ADAMTS3: variants seen among roughly 807,000 people sequenced by gnomAD.
ADAMTS3 encodes A disintegrin and metalloproteinase with thrombospondin motifs 3.
A neutral mutation model predicts 129.0 loss-of-function variants in ADAMTS3; 73 were observed. The observed-to-expected ratio is 0.57, with a 90% confidence interval of 0.47 to 0.69. The LOEUF (loss-of-function observed/expected upper bound fraction) is 0.69, where lower values mean the gene tolerates loss of function less well. Among genes scored for constraint, ADAMTS3 ranks in the 30% least tolerant of loss-of-function variants. The pLI, the probability that ADAMTS3 is intolerant of heterozygous loss-of-function variation, is 0.00. For missense variants in ADAMTS3, 1,457 were observed against 1,514.5 expected, an observed-to-expected ratio of 0.96 and a Z score of 0.63; for synonymous variants, 477 against 510.8, an observed-to-expected ratio of 0.93 and a Z score of 0.89.
At chr4:72,408,776 T>C (rs1158359998) in intron 4 of ADAMTS3, among the ~76,000 whole-genome samples, 2 of 149,512 alleles carry the variant, frequency 1.3e-5, no homozygotes, top group African/African-American at 4.9e-5. Context: ...AAAGGATGAG[T>C]TCATGTCCTT....
chr4:72,487,231 T>C (rs1719613726), intron 3 of ADAMTS3, among the ~76,000 whole-genome samples: 1 of 152,098 alleles, frequency 6.6e-6, no homozygotes, highest in Non-Finnish European at 1.5e-5. Context: ...TAAAATTATA[T>C]TGGCTCAATG....
chr4:72,410,676 T>C (rs545725300), intron 4 of ADAMTS3, among the ~76,000 whole-genome samples: 9 of 152,210 alleles, frequency 5.9e-5, no homozygotes, highest in Admixed American at 3.3e-4. Flanking sequence ...CAGGGGTATA[T>C]TTTTTTACAT....
In ADAMTS3 at chr4:72,525,620, T is replaced by C. The variant is rs115055268; in HGVS notation, c.504+22858A>G. Among the ~76,000 whole-genome samples the C allele has an allele frequency of 2.3e-3, 349 of 152,258 alleles. 2 individuals are homozygous for C. The highest frequency in any genetic ancestry group is 8.2e-3 in the African/African-American group (341 of 41,554). ...AAAACTGTAAAGAACACAAAATGTA[T>C]GGTCTTTGTCTTTTGTTTCTCTCCT... On this transcript the variant is annotated intron_variant, in intron 3 of 21. Transcript: ENST00000286657.
At chr4:72,399,796 G>GTA (rs1207164823) in intron 4 of ADAMTS3, among the ~76,000 whole-genome samples, 5 of 146,304 alleles carry the variant, frequency 3.4e-5, no homozygotes, top group African/African-American at 1.0e-4. Context: ...GCATATGTGT[G>GTA]TATATATATA....
At chr4:72,398,304 C>T (rs1323423476) in intron 4 of ADAMTS3, among the ~76,000 whole-genome samples, 1 of 152,100 alleles carries the variant, frequency 6.6e-6, no homozygotes, top group African/African-American at 2.4e-5. Flanking sequence ...CTTCTGTAAT[C>T]CCAGCACTTT....
chr4:72,283,542 T>C lies in ADAMTS3; in HGVS notation c.3212A>G (p.Asp1071Gly). Residue 1071 changes from aspartate to glycine, a missense_variant, in exon 22 of 22, where the codon GAT becomes GGT. By Grantham distance (94) the Asp-to-Gly change is moderately conservative. Coordinates refer to ENST00000286657, the MANE Select transcript of ADAMTS3 (RefSeq NM_014243.3). ...YLLEAAETHDDVISNPSDLPR... is the reference protein window; with the variant it reads ...YLLEAAETHDGVISNPSDLPR... ...GAGGTCACTAGGGTTAGAGATGACA[T>C]CATCATGAGTTTCAGCAGCTTCTAG... The C allele has an allele frequency of 6.2e-7, 1 of 1,614,030 alleles. No individual in the cohort carries two copies. Among genetic ancestry groups the C allele is most frequent in the South Asian group, 1.1e-5 (1 of 91,082 alleles).
At position 72,417,097 on chromosome 4, in the gene ADAMTS3, C is replaced by T. The variant is rs183496155; in HGVS notation, c.505-2126G>A. On this transcript the variant is annotated intron_variant, in intron 3 of 21. Coordinates refer to ENST00000286657, the MANE Select transcript of ADAMTS3 (RefSeq NM_014243.3). ...TACAGTCTTTTCTTTGCCCCAAATC[C>T]GCTGTCACTGCATTCTGTAACATCT... Among the ~76,000 whole-genome samples, 80 of 152,240 alleles carry T rather than the reference C, an allele frequency of 5.3e-4. No individual in the cohort carries two copies. In the East Asian group the frequency reaches 0.015, roughly 28 times the overall value.
chr4:72,545,748 G>A (rs1721449306), intron 3 of ADAMTS3, among the ~76,000 whole-genome samples: 1 of 152,144 alleles, frequency 6.6e-6, no homozygotes, highest in Non-Finnish European at 1.5e-5. Flanking sequence ...TCCACAGGAG[G>A]AATAGGTGAA....
chr4:72,536,412 G>A (rs6811410), intron 3 of ADAMTS3, among the ~76,000 whole-genome samples: 45,789 of 151,974 alleles, frequency 0.3, 7,095 homozygotes, highest in Middle Eastern at 0.35. Flanking sequence ...CTCACAGGCC[G>A]AATTGGGTTA....
intron 3 of ADAMTS3, among the ~76,000 whole-genome samples, chr4:72,425,273 A>T (rs1232663106): frequency 6.6e-6 from 1 of 152,138 alleles, no homozygotes; most frequent in Non-Finnish European, 1.5e-5. Flanking sequence ...TTAATGATTC[A>T]CACTGTCCAA....
intron 3 of ADAMTS3, among the ~76,000 whole-genome samples, chr4:72,417,131 C>A (rs1029611348): frequency 6.6e-6 from 1 of 152,176 alleles, no homozygotes; most frequent in Admixed American, 6.5e-5. Flanking sequence ...CTACATTATT[C>A]GCCCATCCTC....
chr4:72,464,788 T>C (rs1718873914), intron 3 of ADAMTS3, among the ~76,000 whole-genome samples: 1 of 152,080 alleles, frequency 6.6e-6, no homozygotes, highest in Admixed American at 6.6e-5. Context: ...TGAGATAGTT[T>C]GGAAAAGTAG....
At chr4:72,372,636 G>A (rs1721037946) in intron 4 of ADAMTS3, among the ~76,000 whole-genome samples, 1 of 151,810 alleles carries the variant, frequency 6.6e-6, no homozygotes, top group African/African-American at 2.4e-5. Flanking sequence ...AGAAAGATGG[G>A]TATAAAGTCA....
chr4:72,419,301 C>A (rs1444018393), intron 3 of ADAMTS3, among the ~76,000 whole-genome samples: 1 of 152,128 alleles, frequency 6.6e-6, no homozygotes, highest in Non-Finnish European at 1.5e-5. Flanking sequence ...CACCTTTGAG[C>A]CTTAAGCTCC....
intron 5 of ADAMTS3, among the ~76,000 whole-genome samples, chr4:72,328,622 T>A (rs1010601276): frequency 3.3e-5 from 5 of 152,150 alleles, no homozygotes; most frequent in Non-Finnish European, 5.9e-5. Flanking sequence ...TACAGTATTA[T>A]CCTCATAGGA....
intron 3 of ADAMTS3, among the ~76,000 whole-genome samples, chr4:72,528,760 G>A (rs912024659): frequency 3.3e-5 from 5 of 152,046 alleles, no homozygotes; most frequent in African/African-American, 4.8e-5. Flanking sequence ...TCAAAGAAAA[G>A]CCCTCAATTC....
chr4:72,298,650 A>G (rs1372062682), intron 17 of ADAMTS3, among the ~76,000 whole-genome samples: 1 of 152,084 alleles, frequency 6.6e-6, no homozygotes, highest in Non-Finnish European at 1.5e-5. Flanking sequence ...TTTTAACATA[A>G]AAGTGTTAAA....
At chr4:72,506,799 T>A (rs1446869671) in intron 3 of ADAMTS3, among the ~76,000 whole-genome samples, 1 of 152,174 alleles carries the variant, frequency 6.6e-6, no homozygotes, top group Non-Finnish European at 1.5e-5. Flanking sequence ...TATCAGCCAG[T>A]CTCTGTCATG....
chr4:72,295,759 C>G lies in ADAMTS3; in HGVS notation c.2618G>C (p.Arg873Pro). Residue 873 changes from arginine (R) to proline (P), a missense_variant, in exon 19 of 22, where the codon CGT becomes CCT. Arg to Pro is a moderately radical substitution (Grantham distance 103). Transcript: ENST00000286657. Reference sequence around the variant, plus strand: ...GACCATTTTATTATCACTTTTCCTACGGCATCCATATTTAGTGTACTGGAA... The same window carrying G: ...GACCATTTTATTATCACTTTTCCTAGGGCATCCATATTTAGTGTACTGGAA... ...GGFQYTKYGC[R>P]RKSDNKMVHR... The G allele has an allele frequency of 6.2e-7, 1 of 1,612,546 alleles. No individual in the cohort carries two copies. The highest frequency in any genetic ancestry group is 8.5e-7 in the Non-Finnish European group (1 of 1,178,976).
Sources: allele counts gnomAD v4.1 joint callset (sites outside exome capture counted in the v4.1 genomes callset), GRCh38; gene constraint gnomAD v4.1.1; transcripts MANE v1.5; gene names NCBI Gene and HGNC (gene_info 2026-07-23, HGNC 2026-07-21).